The following C8B variants were observed in gnomAD, a reference collection of about 807,000 sequenced individuals.
The protein encoded by C8B is complement C8 beta chain.
Under a neutral mutation model 64.6 loss-of-function variants are expected in C8B, and 67 were observed. That is an observed-to-expected ratio of 1.04 (90% confidence interval 0.85 to 1.27). C8B has a LOEUF of 1.27. Ranked by LOEUF, C8B falls within the 50% of genes most tolerant of loss-of-function variation. C8B has a pLI of 0.00. For missense variants in C8B, 790 were observed against 725.2 expected (o/e 1.09, Z -1.03); for synonymous variants, 284 against 257.7 (o/e 1.10, Z -0.98).
rs760338411 is a variant in C8B at position 56,940,971 on chromosome 1, G to A, written c.1276C>T (p.Leu426=). 12 of 1,613,882 alleles carry A rather than the reference G, an allele frequency of 7.4e-6. No homozygotes were observed. The highest frequency in any genetic ancestry group is 4.5e-5 in the East Asian group (2 of 44,822). Reference sequence around the variant, plus strand: ...TGCTCACTTGCCCCTCCTCGTACCAGGACCACCAAGTCCTCCACCATGGTG... The same window carrying A: ...TGCTCACTTGCCCCTCCTCGTACCAAGACCACCAAGTCCTCCACCATGGTG... ...RDTMVEDLVV[L]VRGGASEHIT... The change falls in exon 9 of 12, where the codon CTG becomes TTG. Residue 426 remains leucine, a synonymous_variant. Coordinates refer to ENST00000371237, the MANE Select transcript of C8B (RefSeq NM_000066.4).
intron 1 of C8B, among the ~76,000 whole-genome samples, chr1:56,962,770 C>T (rs1645196402): frequency 6.6e-6 from 1 of 152,184 alleles, no homozygotes. Context: ...GGGCTATTGC[C>T]ATGAATTTGG....
chr1:56,959,990 C>CT (rs764141044), intron 2 of C8B, 30 bp downstream of exon 2: 1 of 1,613,696 alleles, frequency 6.2e-7, no homozygotes, highest in East Asian at 2.2e-5. Context: ...CTCCTGGAAG[C>CT]TTAGAGCTGT....
intron 8 of C8B, 127 bp downstream of exon 8, chr1:56,943,566 CAGA>C (rs1409438810): frequency 2.8e-6 from 3 of 1,081,412 alleles, no homozygotes; most frequent in South Asian, 2.6e-5. Flanking sequence ...CTATAAAAAA[CAGA>C]AGGACATAGT....
intron 6 of C8B, among the ~76,000 whole-genome samples, chr1:56,949,014 T>A (rs2101420806): frequency 6.6e-6 from 1 of 152,180 alleles, no homozygotes. Flanking sequence ...AGCTATTTTT[T>A]TTTTTTGAGA....
chr1:56,942,467 C>T (rs564615559), intron 8 of C8B, among the ~76,000 whole-genome samples: 3 of 152,098 alleles, frequency 2.0e-5, no homozygotes, highest in African/African-American at 4.8e-5. Flanking sequence ...TTTGGGAGGC[C>T]GAGGTGAGTG....
chr1:56,957,184 C>T (rs1645116233), intron 2 of C8B, among the ~76,000 whole-genome samples: 1 of 152,160 alleles, frequency 6.6e-6, no homozygotes, highest in South Asian at 2.1e-4. Flanking sequence ...CTGCAGTGAT[C>T]AGTCAAGATT....
chr1:56,959,430 G>A (rs1212645894), intron 2 of C8B: 2 of 728,448 alleles, frequency 2.7e-6, no homozygotes, highest in Non-Finnish European at 4.8e-6. Context: ...GGGCTGAGGA[G>A]GAGTCAAAAA....
intron 9 of C8B, among the ~76,000 whole-genome samples, chr1:56,934,997 G>A (rs856848): frequency 0.016 from 2,444 of 152,252 alleles, 68 homozygotes; most frequent in African/African-American, 0.056. Context: ...ACTGTGTCCT[G>A]GGAGCTGTGT....
chr1:56,959,001 G>T (rs1417331405), intron 2 of C8B, among the ~76,000 whole-genome samples: 5 of 152,342 alleles, frequency 3.3e-5, no homozygotes, highest in Non-Finnish European at 7.3e-5. Context: ...TGACCAAGGA[G>T]GCTGAATGAC....
At chr1:56,946,626 A>ATAGT (rs1644946890) in intron 6 of C8B, among the ~76,000 whole-genome samples, 1 of 152,208 alleles carries the variant, frequency 6.6e-6, no homozygotes, top group East Asian at 1.9e-4. Flanking sequence ...GCAGTGTTGA[A>ATAGT]TAGTTGCAAC....
intron 1 of C8B, among the ~76,000 whole-genome samples, chr1:56,965,403 G>GTT (rs1553120324): frequency 6.6e-6 from 1 of 151,434 alleles, no homozygotes; most frequent in Non-Finnish European, 1.5e-5. Context: ...GAGAGAGTGT[G>GTT]TGTGTGTGTG....
intron 9 of C8B, among the ~76,000 whole-genome samples, chr1:56,934,847 C>T (rs563505287): frequency 6.6e-6 from 1 of 152,300 alleles, no homozygotes; most frequent in South Asian, 2.1e-4. Context: ...CAATGAAGAG[C>T]TCCTCCAACA....
At position 56,931,831 on chromosome 1, in the gene C8B, A is replaced by C; in HGVS notation, c.1600T>G (p.Cys534Gly). 6.2e-7 allele frequency: 1 copy of C among 1,611,836 alleles called. No homozygotes were observed. The highest frequency in any genetic ancestry group is 8.5e-7 in the Non-Finnish European group (1 of 1,178,654). The change falls in exon 11 of 12, where the codon TGT (cysteine) becomes GGT (glycine). Residue 534 changes from cysteine (C) to glycine (G), a missense_variant. Coordinates refer to ENST00000371237, the MANE Select transcript of C8B (RefSeq NM_000066.4). ...TTACTCTTCCGATAGGAGACCTCAC[A>C]GGCTAGGCCTTGGGATCCAACAGGA... ...ICPVGSQGLA[C>G]EVSYRKNTPI...
chr1:56,960,215 AG>A (rs139781264), intron 1 of C8B, 39 bp from the exon 2 acceptor site: 234,947 of 1,589,182 alleles, frequency 0.15, 18,853 homozygotes, highest in Non-Finnish European at 0.17. Flanking sequence ...ACGTATCAGA[AG>A]GGAATTAAGT....
In C8B at chr1:56,944,040, C is replaced by T. The variant is rs552397808; in HGVS notation, c.1106-216G>A. ...GGTCCAGCTTCCCTTTCAGCCTCCC[C>T]GCAACGCTCTCTGAGGATTCTTGCT... On this transcript the variant is annotated intron_variant, in intron 7 of 11. Transcript: ENST00000371237. Among the ~76,000 whole-genome samples, 8 of 152,206 alleles carry T rather than the reference C, an allele frequency of 5.3e-5. No homozygotes were observed. In the East Asian group the frequency reaches 5.8e-4, roughly 11 times the overall value.
chr1:56,954,548 G>T, intron 4 of C8B, 138 bp downstream of exon 4: 1 of 1,177,588 alleles, frequency 8.5e-7, no homozygotes. Context: ...GCAACCGGAA[G>T]TGTTACTTAC....
At chr1:56,952,268 AC>A in intron 4 of C8B, 88 bp from the exon 5 acceptor site, 1 of 1,562,698 alleles carries the variant, frequency 6.4e-7, no homozygotes, top group East Asian at 2.2e-5. Context: ...GAAAACAAAA[AC>A]TCCTTGGCAC....
At chr1:56,950,829 C>T (rs1011980915) in intron 5 of C8B, among the ~76,000 whole-genome samples, 11 of 152,170 alleles carry the variant, frequency 7.2e-5, no homozygotes, top group African/African-American at 2.2e-4. Context: ...CCTGGCACAG[C>T]GCTCAAAGAA....
At chr1:56,964,554 G>A (rs115330748) in intron 1 of C8B, among the ~76,000 whole-genome samples, 4,238 of 152,194 alleles carry the variant, frequency 0.028, 201 homozygotes, top group African/African-American at 0.097. Flanking sequence ...TTAGCCATTC[G>A]GCAAACACCC....
Sources: allele counts gnomAD v4.1 joint callset (sites outside exome capture counted in the v4.1 genomes callset), GRCh38; gene constraint gnomAD v4.1.1; transcripts MANE v1.5; gene names NCBI Gene and HGNC (gene_info 2026-07-23, HGNC 2026-07-21).